The following PRKG1 variants were observed in gnomAD, a reference collection of about 807,000 sequenced individuals.
PRKG1 encodes cGMP-dependent protein kinase 1.
PRKG1 carries 35 observed loss-of-function variants against 88.1 expected under a neutral mutation model. The observed-to-expected ratio is 0.40, with a 90% CI of 0.30 to 0.53. PRKG1 has a LOEUF of 0.53. Ranked by LOEUF, PRKG1 falls within the 20% of genes least tolerant of loss-of-function variation. The pLI, the probability that PRKG1 is intolerant of heterozygous loss-of-function variation, is 0.59. For missense variants in PRKG1, 540 were observed against 839.8 expected (o/e 0.64, Z 4.41); for synonymous variants, 303 against 292.5 (o/e 1.04, Z -0.37).
chr10:52,231,402 G>C (rs905266838), intron 9 of PRKG1: 6 of 151,570 alleles, frequency 4.0e-5, no homozygotes, highest in African/African-American at 1.5e-4. Flanking sequence ...TCTTGTCTAG[G>C]AAGAAAGAAA....
chr10:51,970,736 A>C (rs896711881), intron 5 of PRKG1, among the ~76,000 whole-genome samples: 132 of 122,862 alleles, frequency 1.1e-3, no homozygotes, highest in East Asian at 5.3e-3. Flanking sequence ...GATATATCAG[A>C]TTATATATAT....
chr10:51,329,715 C>G (rs1180109950), intron 2 of PRKG1, among the ~76,000 whole-genome samples: 6 of 152,092 alleles, frequency 3.9e-5, no homozygotes, highest in African/African-American at 1.4e-4. Context: ...AGCTGGGTTC[C>G]TTGTTTTTTG....
chr10:51,153,230 G>C lies in PRKG1; in HGVS notation c.378G>C (p.Gln126His), dbSNP rs749508576. Reference protein sequence around the residue: ...NDFMKNLELSQIQEIVDCMYP... With the variant: ...NDFMKNLELSHIQEIVDCMYP... ...TTATGAAGAACTTGGAGCTGTCGCA[G>C]ATCCAGGAGATTGTGGATTGTATGT... Residue 126 changes from glutamine to histidine, a missense_variant, in exon 2 of 18, where the codon CAG becomes CAC. Gln to His is a conservative substitution (Grantham distance 24, BLOSUM62 0). Around this residue, in one of 5 missense-constraint regions of PRKG1, gnomAD observed 400 missense variants for 562.7 expected, o/e 0.71. Coordinates refer to ENST00000373980, the MANE Select transcript of PRKG1 (RefSeq NM_006258.4). 1 of 1,612,458 alleles carries C rather than the reference G, an allele frequency of 6.2e-7. No individual in the cohort carries two copies. The highest frequency in any genetic ancestry group is 8.5e-7 in the Non-Finnish European group (1 of 1,178,998).
chr10:51,344,296 G>C (rs1842065829), intron 2 of PRKG1, among the ~76,000 whole-genome samples: 1 of 152,118 alleles, frequency 6.6e-6, no homozygotes, highest in African/African-American at 2.4e-5. Context: ...ACCAGATCTT[G>C]TGAGAACTCA....
intron 3 of PRKG1, among the ~76,000 whole-genome samples, chr10:51,720,854 T>C (rs886302739): frequency 6.6e-6 from 1 of 152,112 alleles, no homozygotes; most frequent in African/African-American, 2.4e-5. Context: ...TGGATACAAA[T>C]GGTGTTGCTG....
At chr10:52,012,895 C>T (rs1052619682) in intron 5 of PRKG1, among the ~76,000 whole-genome samples, 4 of 152,074 alleles carry the variant, frequency 2.6e-5, no homozygotes, top group Non-Finnish European at 5.9e-5. Context: ...ATGTCAATAC[C>T]ATGTGGTAAT....
At chr10:52,073,401 G>T (rs565799076) in intron 7 of PRKG1, among the ~76,000 whole-genome samples, 1 of 152,090 alleles carries the variant, frequency 6.6e-6, no homozygotes, top group Non-Finnish European at 1.5e-5. Flanking sequence ...CTCCTCAAAG[G>T]CTTGCTCTGG....
At chr10:51,812,652 T>C (rs1839486638) in intron 4 of PRKG1, among the ~76,000 whole-genome samples, 1 of 152,190 alleles carries the variant, frequency 6.6e-6, no homozygotes, top group African/African-American at 2.4e-5. Context: ...GCCACTGAGC[T>C]GGTCATCACT....
rs570996444 is a variant in PRKG1 at position 51,401,993 on chromosome 10, A to T, written c.479-65730A>T. ...TCTATTTATCCAATAGACCACACTG[A>T]TTCCACCATGCCTTTTTTGTTTTGC... is the stretch of plus-strand genomic sequence containing the variant. On this transcript the variant is annotated intron_variant, in intron 2 of 17. Coordinates refer to ENST00000373980, the MANE Select transcript of PRKG1 (RefSeq NM_006258.4). Among the ~76,000 whole-genome samples the T allele has an allele frequency of 5.9e-5, 9 of 152,276 alleles. No individual in the cohort carries two copies. The East Asian group carries it at 1.7e-3, about 29-fold the overall frequency.
intron 9 of PRKG1, among the ~76,000 whole-genome samples, chr10:52,180,734 A>C (rs943442210): frequency 1.3e-5 from 2 of 152,084 alleles, no homozygotes; most frequent in South Asian, 4.1e-4. Context: ...TCGGCTTGTC[A>C]GGCTGTTTCT....
chr10:51,364,534 G>A (rs1842550200), intron 2 of PRKG1, among the ~76,000 whole-genome samples: 1 of 151,812 alleles, frequency 6.6e-6, no homozygotes, highest in Non-Finnish European at 1.5e-5. Flanking sequence ...TTTCAAGCTG[G>A]CTGTGTAAAT....
At chr10:51,349,222 G>A (rs1216193735) in intron 2 of PRKG1, among the ~76,000 whole-genome samples, 1 of 152,106 alleles carries the variant, frequency 6.6e-6, no homozygotes, top group Non-Finnish European at 1.5e-5. Flanking sequence ...GTACATTTGT[G>A]GTTTTGTGTG....
intron 2 of PRKG1, among the ~76,000 whole-genome samples, chr10:51,426,925 C>A (rs1341194522): frequency 1.3e-5 from 2 of 152,022 alleles, no homozygotes; most frequent in Non-Finnish European, 2.9e-5. Context: ...TTCTCTTTTA[C>A]CTTTGTTATT....
At chr10:51,727,279 A>T (rs1260896119) in intron 3 of PRKG1, among the ~76,000 whole-genome samples, 13 of 141,164 alleles carry the variant, frequency 9.2e-5, no homozygotes, top group African/African-American at 2.2e-4. Flanking sequence ...CATTGCAAAA[A>T]AAAAAAATAT....
chr10:52,149,388 A>G (rs1837837488), intron 8 of PRKG1, among the ~76,000 whole-genome samples: 2 of 152,092 alleles, frequency 1.3e-5, no homozygotes, highest in Admixed American at 1.3e-4. Flanking sequence ...TAGACTTCCT[A>G]TTAAGGACTG....
chr10:51,177,142 A>G (rs928245185), intron 2 of PRKG1, among the ~76,000 whole-genome samples: 5 of 152,166 alleles, frequency 3.3e-5, no homozygotes, highest in Admixed American at 6.6e-5. Context: ...CACTTTGTCC[A>G]TGATTAATGT....
intron 2 of PRKG1, among the ~76,000 whole-genome samples, chr10:51,427,112 T>C (rs1352965021): frequency 6.6e-6 from 1 of 152,092 alleles, no homozygotes; most frequent in Non-Finnish European, 1.5e-5. Flanking sequence ...GCTCCAAGAA[T>C]AAATTAATTT....
chr10:52,028,107 G>A (rs1300926943), intron 5 of PRKG1, among the ~76,000 whole-genome samples: 1 of 151,914 alleles, frequency 6.6e-6, no homozygotes, highest in African/African-American at 2.4e-5. Flanking sequence ...TTTTATTACT[G>A]AAAAATGTAG....
At chr10:51,596,360 A>G (rs77515475) in intron 3 of PRKG1, among the ~76,000 whole-genome samples, 1 of 152,082 alleles carries the variant, frequency 6.6e-6, no homozygotes, top group Non-Finnish European at 1.5e-5. Flanking sequence ...TCAATATCTT[A>G]TCTTCTTCCT....
Sources: gnomAD v4.1 joint callset for allele counts (sites outside exome capture counted in the v4.1 genomes callset) on GRCh38, gnomAD v4.1.1 for gene constraint, gnomAD v4.1.1 regional missense constraint, MANE v1.5 for transcripts, NCBI Gene and HGNC (gene_info 2026-07-23, HGNC 2026-07-21) for gene names.